Variants in LAMA2 observed in about 807,000 individuals in gnomAD.
The protein encoded by LAMA2 is laminin subunit alpha 2.
Under a neutral mutation model 364.8 loss-of-function variants are expected in LAMA2, and 269 were observed. The ratio of observed to expected loss-of-function variants is 0.74; its 90% CI spans 0.67 to 0.82. The LOEUF is 0.82. Ranked by LOEUF, LAMA2 falls within the 40% of genes least tolerant of loss-of-function variation. The probability of loss-of-function intolerance (pLI) is 0.00; values close to 1 mark genes in which losing one functional copy is unlikely to be tolerated. For missense variants in LAMA2, 3,807 were observed against 3,873.2 expected (o/e 0.98, Z 0.45); for synonymous variants, 1,379 against 1,370.6 (o/e 1.01, Z -0.14).
intron 1 of LAMA2, among the ~76,000 whole-genome samples, chr6:129,022,950 A>G (rs997061375): frequency 1.3e-5 from 2 of 152,172 alleles, no homozygotes; most frequent in Admixed American, 6.5e-5. Context: ...TCCACCCGTT[A>G]TATCAGGGCC....
At chr6:129,200,400 A>ATG (rs1161080752) in intron 12 of LAMA2, among the ~76,000 whole-genome samples, 14 of 147,294 alleles carry the variant, frequency 9.5e-5, no homozygotes, top group Admixed American at 6.1e-4. Flanking sequence ...GTGTATATAC[A>ATG]TGTACACATA....
At position 129,315,569 on chromosome 6, in the gene LAMA2, A is replaced by G. The variant is rs1774536361; in HGVS notation, c.3649A>G (p.Ile1217Val). Reference sequence around the variant, plus strand: ...GGGCATTGTTTTTCAACATCCAGAGATTGTTGCCCACATGGACCTGATGAG... The same window carrying G: ...GGGCATTGTTTTTCAACATCCAGAGGTTGTTGCCCACATGGACCTGATGAG... The part of the protein sequence containing the change: ...TKGIVFQHPE[I>V]VAHMDLMRED... The change falls in exon 25 of 65, where the codon ATT becomes GTT. Residue 1217 changes from isoleucine to valine, a missense_variant. Transcript: ENST00000421865. 1 of 1,613,960 alleles carries G rather than the reference A, an allele frequency of 6.2e-7. No individual in the cohort carries two copies. Among genetic ancestry groups the G allele is most frequent in the Admixed American group, 1.7e-5 (1 of 59,998 alleles).
intron 35 of LAMA2, among the ~76,000 whole-genome samples, chr6:129,386,127 A>G (rs1223515586): frequency 6.6e-6 from 1 of 151,986 alleles, no homozygotes; most frequent in Non-Finnish European, 1.5e-5. Flanking sequence ...ATCTGATATT[A>G]GGATTTTTAA....
rs114400529 is a variant in LAMA2 at position 129,394,763 on chromosome 6, T to C, written c.5445+1508T>C. ...TATTTGAGAAATATTTCAAGAAGAGTTATATGGCACAGTCAATAGTACCTT... is the reference window on the plus strand; with the variant it reads ...TATTTGAGAAATATTTCAAGAAGAGCTATATGGCACAGTCAATAGTACCTT... On this transcript the variant is annotated intron_variant, in intron 37 of 64. Coordinates refer to ENST00000421865, the MANE Select transcript of LAMA2 (RefSeq NM_000426.4). Among the ~76,000 whole-genome samples, 882 of 152,260 alleles carry C rather than the reference T, an allele frequency of 5.8e-3. 9 individuals carry two copies. Among genetic ancestry groups the C allele is most frequent in the African/African-American group, 0.02 (829 of 41,528 alleles).
chr6:129,032,523 T>C (rs1220321892), intron 1 of LAMA2, among the ~76,000 whole-genome samples: 1 of 152,184 alleles, frequency 6.6e-6, no homozygotes, highest in East Asian at 1.9e-4. Flanking sequence ...AAAGGCAGTA[T>C]TCGTTGAATG....
At chr6:128,987,973 C>G (rs1281078712) in intron 1 of LAMA2, among the ~76,000 whole-genome samples, 1 of 152,118 alleles carries the variant, frequency 6.6e-6, no homozygotes, top group Admixed American at 6.5e-5. Context: ...CTGCTGGATT[C>G]AAGTGATTCT....
chr6:129,346,922 G>A (rs765321642), intron 30 of LAMA2, among the ~76,000 whole-genome samples: 1 of 152,138 alleles, frequency 6.6e-6, no homozygotes, highest in Non-Finnish European at 1.5e-5. Context: ...AATGGTGTGA[G>A]CCATGTGAAT....
At chr6:129,511,273 C>T (rs1239218828) in intron 62 of LAMA2, among the ~76,000 whole-genome samples, 1 of 151,900 alleles carries the variant, frequency 6.6e-6, no homozygotes, top group Admixed American at 6.6e-5. Context: ...TTTTTTTGGC[C>T]TCTTCATTCC....
chr6:129,455,338 G>C (rs148893328), intron 47 of LAMA2, among the ~76,000 whole-genome samples: 1 of 152,264 alleles, frequency 6.6e-6, no homozygotes, highest in East Asian at 1.9e-4. Context: ...GTGTGAGAGA[G>C]AGTGACAGAG....
chr6:129,036,513 A>G (rs1786650798), intron 1 of LAMA2, among the ~76,000 whole-genome samples: 1 of 151,912 alleles, frequency 6.6e-6, no homozygotes, highest in South Asian at 2.1e-4. Flanking sequence ...AGCTCTGTTT[A>G]TTTTCTTTTT....
At chr6:129,336,033 T>A (rs1775938303) in intron 29 of LAMA2, among the ~76,000 whole-genome samples, 1 of 152,228 alleles carries the variant, frequency 6.6e-6, no homozygotes, top group African/African-American at 2.4e-5. Context: ...CAATAAAACA[T>A]CTTTCCAGGT....
At position 129,177,574 on chromosome 6, in the gene LAMA2, T is replaced by C. The variant is rs372892427; in HGVS notation, c.1307-132T>C. 3,097 of 876,112 alleles carry C rather than the reference T, an allele frequency of 3.5e-3. 12 individuals carry two copies. Among genetic ancestry groups the C allele is most frequent in the Middle Eastern group, 0.011 (38 of 3,452 alleles). The allele number at this position is 876,112 out of a possible 1,614,324, so 54.3% of individuals were successfully genotyped here. ...CCCTCTACTCTTTGGTTTTAACTTTTCTTTATTGATATATATAAAAAATCT... is the reference window on the plus strand; with the variant it reads ...CCCTCTACTCTTTGGTTTTAACTTTCCTTTATTGATATATATAAAAAATCT... On this transcript the variant is annotated intron_variant, in intron 9 of 64. Transcript: ENST00000421865.
intron 7 of LAMA2, among the ~76,000 whole-genome samples, chr6:129,151,320 A>G (rs1017720598): frequency 3.3e-5 from 5 of 152,194 alleles, no homozygotes; most frequent in African/African-American, 1.2e-4. Context: ...ATGTTACTTT[A>G]TGTTTTCCTC....
chr6:129,154,587 A>G lies in LAMA2; in HGVS notation c.1110A>G (p.Gly370=), dbSNP rs769982089. The G allele has an allele frequency of 3.1e-6, 5 of 1,613,640 alleles. No homozygotes were observed. Among genetic ancestry groups the G allele is most frequent in the East Asian group, 4.5e-5 (2 of 44,868 alleles). Residue 370 remains glycine, a synonymous_variant, in exon 8 of 65, where the codon GGA becomes GGG. Coordinates refer to ENST00000421865, the MANE Select transcript of LAMA2 (RefSeq NM_000426.4). Reference sequence around the variant, plus strand: ...GAAATCTGAGTTTGAATATACGTGGAAAGTACATTGGAGGGGGTGTCTGCA... The same window carrying G: ...GAAATCTGAGTTTGAATATACGTGGGAAGTACATTGGAGGGGGTGTCTGCA... ...ARRNLSLNIR[G]KYIGGGVCIN... is the part of the protein sequence containing the mutation.
chr6:129,079,729 G>A lies in LAMA2; in HGVS notation c.397-18444G>A, dbSNP rs116100849. Reference sequence around the variant, plus strand: ...AGTGAAGAATGCCCATGTAAAATTTGAGAATCTTGAAACATGACAGATACA... The same window carrying A: ...AGTGAAGAATGCCCATGTAAAATTTAAGAATCTTGAAACATGACAGATACA... On this transcript the variant is annotated intron_variant, in intron 3 of 64. Coordinates refer to ENST00000421865, the MANE Select transcript of LAMA2 (RefSeq NM_000426.4). 5.3e-3 allele frequency among the ~76,000 whole-genome samples: 800 copies of A among 152,108 alleles called. 8 individuals are homozygous for A. Among genetic ancestry groups the A allele is most frequent in the African/African-American group, 0.018 (762 of 41,540 alleles).
intron 51 of LAMA2, among the ~76,000 whole-genome samples, chr6:129,472,386 T>C (rs749830905): frequency 5.3e-5 from 8 of 151,850 alleles, no homozygotes; most frequent in Non-Finnish European, 1.5e-5. Context: ...AAAGGCTAGA[T>C]CTAAGGACAT....
intron 35 of LAMA2, among the ~76,000 whole-genome samples, chr6:129,390,729 C>T (rs1265280865): frequency 6.6e-5 from 10 of 152,012 alleles, no homozygotes; most frequent in African/African-American, 1.7e-4. Context: ...TTTTATTTGA[C>T]GTAGAATTCT....
At chr6:129,273,467 A>T (rs972983718) in intron 17 of LAMA2, among the ~76,000 whole-genome samples, 8 of 152,206 alleles carry the variant, frequency 5.3e-5, no homozygotes, top group African/African-American at 1.9e-4. Context: ...AATACATATT[A>T]GAATTATATA....
chr6:129,229,315 A>T (rs1784523826), intron 12 of LAMA2, among the ~76,000 whole-genome samples: 1 of 152,152 alleles, frequency 6.6e-6, no homozygotes, highest in South Asian at 2.1e-4. Flanking sequence ...GGAAAAAGTT[A>T]TGTGGGTATC....
Sources: gnomAD v4.1 joint callset for allele counts (sites outside exome capture counted in the v4.1 genomes callset) on GRCh38, gnomAD v4.1.1 for gene constraint, MANE v1.5 for transcripts, NCBI Gene and HGNC (gene_info 2026-07-23, HGNC 2026-07-21) for gene names.